Variants in XNDC1N observed in about 807,000 individuals in gnomAD.
The protein encoded by XNDC1N is protein XNDC1N.
At chr11:71,921,177 A>T in the XNDC1N span, among the ~76,000 whole-genome samples, 2 of 151,782 alleles carry the variant, frequency 1.3e-5, no homozygotes, top group Admixed American at 1.3e-4. Flanking sequence ...TTTAATGGAG[A>T]CAGGGTCTTG....
the XNDC1N span, chr11:71,893,434 C>G: frequency 1.4e-6 from 1 of 713,938 alleles, no homozygotes; most frequent in Admixed American, 2.0e-5. Flanking sequence ...TTTTTCCAAT[C>G]CTCTTTCCTT....
the XNDC1N span, among the ~76,000 whole-genome samples, chr11:71,912,032 G>T: frequency 2.0e-4 from 31 of 152,352 alleles, no homozygotes; most frequent in South Asian, 8.3e-4. Context: ...AGGAACTGCA[G>T]TTGTACTGGC....
chr11:71,872,853 A>G, the XNDC1N span, among the ~76,000 whole-genome samples: 1,248 of 152,346 alleles, frequency 8.2e-3, 13 homozygotes, highest in African/African-American at 0.021. Flanking sequence ...TGTTTTGGTC[A>G]ATATTATTCA....
chr11:71,914,365 G>C, the XNDC1N span: 1 of 456,170 alleles, frequency 2.2e-6, no homozygotes, highest in Non-Finnish European at 4.4e-6. Context: ...TTCAGTGGAG[G>C]AAATTAACTG....
At chr11:71,926,541 T>C in the XNDC1N span, among the ~76,000 whole-genome samples, 1 of 152,294 alleles carries the variant, frequency 6.6e-6, no homozygotes, top group South Asian at 2.1e-4. Context: ...ATAAATGATG[T>C]TCAGGAAATT....
the XNDC1N span, chr11:71,893,751 T>A: frequency 8.5e-7 from 1 of 1,173,218 alleles, no homozygotes; most frequent in African/African-American, 1.6e-5. Context: ...TCATCTCTCA[T>A]GCGGACTGCC....
the XNDC1N span, among the ~76,000 whole-genome samples, chr11:71,909,010 G>T: frequency 1.3e-5 from 2 of 152,274 alleles, no homozygotes; most frequent in South Asian, 4.1e-4. Flanking sequence ...GTCATTCAGG[G>T]TAAAGAAGAA....
chr11:71,884,177 A>G, the XNDC1N span: 88 of 384,018 alleles, frequency 2.3e-4, 1 homozygote, highest in East Asian at 3.1e-3. Context: ...GTTCTCATTT[A>G]AAATTCTGTA....
the XNDC1N span, chr11:71,893,640 C>A: frequency 8.8e-7 from 1 of 1,138,992 alleles, no homozygotes; most frequent in Non-Finnish European, 1.3e-6. Flanking sequence ...CCCTCCACAC[C>A]CCCACGTACT....
chr11:71,920,316 A>AT, the XNDC1N span, among the ~76,000 whole-genome samples: 49 of 144,488 alleles, frequency 3.4e-4, no homozygotes, highest in Admixed American at 2.5e-3. Context: ...TTTTTTTCTT[A>AT]TTTTTTTTTG....
chr11:71,908,361 G>A, the XNDC1N span, among the ~76,000 whole-genome samples: 3 of 151,178 alleles, frequency 2.0e-5, no homozygotes, highest in South Asian at 4.2e-4. Flanking sequence ...TTTAGTATAA[G>A]TATTTAATAT....
At chr11:71,928,238 G>A in the XNDC1N span, 38 of 546,418 alleles carry the variant, frequency 7.0e-5, no homozygotes, top group African/African-American at 6.6e-4. Flanking sequence ...CTCAGTTTCG[G>A]GAGCTCAAGC....
the XNDC1N span, among the ~76,000 whole-genome samples, chr11:71,906,299 T>G: frequency 6.6e-6 from 1 of 151,788 alleles, no homozygotes; most frequent in Non-Finnish European, 1.5e-5. Flanking sequence ...ATGAATACTA[T>G]CACAGGGTGT....
chr11:71,899,793 C>T, the XNDC1N span, among the ~76,000 whole-genome samples: 8 of 152,224 alleles, frequency 5.3e-5, no homozygotes, highest in East Asian at 1.9e-4. Context: ...TCGCCGAGCC[C>T]GACACCCGTA....
the XNDC1N span, among the ~76,000 whole-genome samples, chr11:71,876,650 A>C: frequency 6.6e-6 from 1 of 152,350 alleles, no homozygotes; most frequent in African/African-American, 2.4e-5. Context: ...GCTGGCAAAC[A>C]AATGTTCATA....
At chr11:71,882,751 T>G in the XNDC1N span, among the ~76,000 whole-genome samples, 2 of 152,160 alleles carry the variant, frequency 1.3e-5, no homozygotes, top group African/African-American at 2.4e-5. Context: ...GCAAGAACAA[T>G]TAGGCAAGAA....
the XNDC1N span, among the ~76,000 whole-genome samples, chr11:71,923,941 C>T: frequency 0.025 from 3,867 of 152,002 alleles, 52 homozygotes; most frequent in East Asian, 0.077. Context: ...GGCTCCAACT[C>T]GAATGAAACC....
At chr11:71,901,935 C>T in the XNDC1N span, among the ~76,000 whole-genome samples, 1 of 152,074 alleles carries the variant, frequency 6.6e-6, no homozygotes, top group Non-Finnish European at 1.5e-5. Flanking sequence ...CACAATTCAA[C>T]GGAAATATCC....
the XNDC1N span, among the ~76,000 whole-genome samples, chr11:71,908,384 T>C: frequency 6.6e-6 from 1 of 151,914 alleles, no homozygotes; most frequent in Admixed American, 6.6e-5. Context: ...ATTATTATTA[T>C]CGGTATTGAT....
Sources: allele counts gnomAD v4.1 joint callset (sites outside exome capture counted in the v4.1 genomes callset), GRCh38; gene constraint gnomAD v4.1.1; transcripts MANE v1.5; gene names NCBI Gene and HGNC (gene_info 2026-07-23, HGNC 2026-07-21).